MTMR7: variants seen among roughly 807,000 people sequenced by gnomAD.
MTMR7 encodes myotubularin related protein 7, also known as phosphatidylinositol-3-phosphate phosphatase MTMR7.
Under a neutral mutation model 81.2 loss-of-function variants are expected in MTMR7, and 76 were observed. The ratio of observed to expected loss-of-function variants is 0.94; its 90% confidence interval spans 0.78 to 1.13. MTMR7 has a LOEUF of 1.13. MTMR7 is among the 50% of genes most tolerant of loss of function. MTMR7 has a pLI of 0.00. For missense variants in MTMR7, 1,044 were observed against 820.0 expected, an observed-to-expected ratio of 1.27 and a Z score of -3.34; for synonymous variants, 372 against 289.8, an observed-to-expected ratio of 1.28 and a Z score of -2.88.
rs1275688158 is a variant in MTMR7 at position 17,413,345 on chromosome 8, C to A, written c.-53G>T. On this transcript the variant is annotated 5_prime_UTR_variant, in exon 1 of 14. Coordinates refer to ENST00000180173, the MANE Select transcript of MTMR7 (RefSeq NM_004686.5). ...GCGGGCGCGGCCTCACGCACCTGCG[C>A]GCCTCTGCGGCGCGATGGGAGGGGC... is the stretch of plus-strand genomic sequence containing the variant. The A allele has an allele frequency of 9.3e-6, 14 of 1,501,778 alleles. No individual in the cohort carries two copies. The highest frequency in any genetic ancestry group is 1.8e-4 in the Middle Eastern group (1 of 5,462). 93.0% of individuals were successfully genotyped at this position (1,501,778 alleles called of 1,614,324 possible).
At position 17,313,471 on chromosome 8, in the gene MTMR7, TA is replaced by T. The variant is rs1414114441; in HGVS notation, c.866-71del. The stretch of plus-strand genomic sequence containing the variant: ...TCATTTTACATATGATCATGTTTTA[TA>T]GGTAGTTTGTTAATGATTCCTTTGT... On this transcript the variant is annotated intron_variant, in intron 7 of 13. Transcript: ENST00000180173. The T allele has an allele frequency of 5.9e-6, 6 of 1,016,104 alleles. No individual in the cohort carries two copies. In the African/African-American group the frequency reaches 8.0e-5, roughly 14 times the overall value. The allele number at this position is 1,016,104 out of a possible 1,614,324, so 62.9% of individuals were successfully genotyped here. A position where few individuals can be genotyped will look rare whatever the true frequency, so the allele number is the denominator to read the frequency against.
intron 4 of MTMR7, 107 bp downstream of exon 4, chr8:17,361,010 T>A (rs1820043387): frequency 3.3e-6 from 4 of 1,223,848 alleles, no homozygotes; most frequent in Non-Finnish European, 4.6e-6. Context: ...CACATATGGA[T>A]ATCTACAAAG....
intron 4 of MTMR7, 50 bp downstream of exon 4, chr8:17,361,067 C>T (rs1820044830): frequency 1.2e-6 from 2 of 1,601,220 alleles, no homozygotes; most frequent in Admixed American, 1.7e-5. Flanking sequence ...GCTAAGCTGG[C>T]TGAAACCCTA....
In MTMR7 at chr8:17,369,833, G is replaced by C. The variant is rs185588100; in HGVS notation, c.310+1204C>G. 4.1e-3 allele frequency among the ~76,000 whole-genome samples: 618 copies of C among 151,792 alleles called. 3 individuals are homozygous for C. Among genetic ancestry groups the C allele is most frequent in the African/African-American group, 0.014 (580 of 41,382 alleles). ...GCTAATTTTTTGTATTTTTAGTAGAGACGGGGTTTCGCCGTCTTAGCCAGG... is the reference window on the plus strand; with the variant it reads ...GCTAATTTTTTGTATTTTTAGTAGACACGGGGTTTCGCCGTCTTAGCCAGG... On this transcript the variant is annotated intron_variant, in intron 3 of 13. Coordinates refer to ENST00000180173, the MANE Select transcript of MTMR7 (RefSeq NM_004686.5).
At chr8:17,353,831 C>T (rs938997852) in intron 4 of MTMR7, among the ~76,000 whole-genome samples, 2 of 152,206 alleles carry the variant, frequency 1.3e-5, no homozygotes, top group Non-Finnish European at 1.5e-5. Context: ...GTGCCCACAT[C>T]CCTTGGTGCT....
chr8:17,343,643 T>G (rs2150544338), intron 5 of MTMR7, among the ~76,000 whole-genome samples: 1 of 152,360 alleles, frequency 6.6e-6, no homozygotes, highest in South Asian at 2.1e-4. Context: ...ACAGCTAGTT[T>G]TAAATGAGGA....
chr8:17,384,124 T>A (rs552984092), intron 1 of MTMR7, among the ~76,000 whole-genome samples: 21 of 152,226 alleles, frequency 1.4e-4, no homozygotes, highest in African/African-American at 5.1e-4. Context: ...AAAATAATTG[T>A]TATTGGCTGG....
intron 10 of MTMR7, among the ~76,000 whole-genome samples, chr8:17,306,801 G>A (rs753771762): frequency 2.6e-5 from 4 of 152,086 alleles, no homozygotes; most frequent in Admixed American, 1.3e-4. Context: ...TCTCACCTTT[G>A]GTAGCTTTAA....
chr8:17,315,468 T>C (rs1452631697), intron 7 of MTMR7, among the ~76,000 whole-genome samples: 3 of 152,174 alleles, frequency 2.0e-5, no homozygotes, highest in African/African-American at 7.2e-5. Flanking sequence ...CAGTGGACTT[T>C]GAGTGATACC....
chr8:17,320,207 A>G (rs190557640), intron 7 of MTMR7, among the ~76,000 whole-genome samples: 1 of 152,174 alleles, frequency 6.6e-6, no homozygotes, highest in East Asian at 1.9e-4. Flanking sequence ...TAAAATTCCA[A>G]ATGTTTTCTG....
intron 5 of MTMR7, among the ~76,000 whole-genome samples, chr8:17,348,421 G>A (rs1019439465): frequency 6.6e-6 from 1 of 151,704 alleles, no homozygotes; most frequent in Non-Finnish European, 1.5e-5. Context: ...ATGTTGGCAG[G>A]TGCCTGTAAT....
chr8:17,350,769 A>G (rs754878782), intron 4 of MTMR7, among the ~76,000 whole-genome samples: 6 of 152,234 alleles, frequency 3.9e-5, no homozygotes, highest in Non-Finnish European at 7.3e-5. Context: ...TGTCTTTGTT[A>G]GCAGAATAGA....
chr8:17,380,412 G>A (rs371647892), intron 1 of MTMR7, among the ~76,000 whole-genome samples: 2 of 152,048 alleles, frequency 1.3e-5, no homozygotes, highest in East Asian at 1.9e-4. Flanking sequence ...TGTTGAACTT[G>A]AGACTTGACA....
Position 17,332,354 on chromosome 8 carries a change from C to T in MTMR7, c.733-1072G>A, listed in dbSNP as rs796276325. ...TAAAAGTCTGACAAAATTAAAAGTA[C>T]CAGCACATAAAAATAGATGCCCAAG... On this transcript the variant is annotated intron_variant, in intron 6 of 13. Transcript: ENST00000180173. Among the ~76,000 whole-genome samples, 6 of 152,134 alleles carry T rather than the reference C, an allele frequency of 3.9e-5. No individual in the cohort carries two copies. In the South Asian group the frequency reaches 1.2e-3, roughly 32 times the overall value.
At chr8:17,320,323 A>C (rs76324384) in intron 7 of MTMR7, among the ~76,000 whole-genome samples, 2,099 of 152,244 alleles carry the variant, frequency 0.014, 27 homozygotes, top group Non-Finnish European at 0.022. Context: ...TGTACCTCTA[A>C]AATAAAATAT....
chr8:17,333,505 A>G (rs1227276989), intron 6 of MTMR7, among the ~76,000 whole-genome samples: 1 of 152,198 alleles, frequency 6.6e-6, no homozygotes, highest in Non-Finnish European at 1.5e-5. Context: ...GACTAATTCA[A>G]GTGAAGCCTA....
intron 1 of MTMR7, among the ~76,000 whole-genome samples, chr8:17,401,056 G>C (rs528578973): frequency 6.4e-4 from 97 of 152,224 alleles, no homozygotes; most frequent in African/African-American, 2.3e-3. Flanking sequence ...AATGCAGCTA[G>C]CTGCCAGGTA....
At position 17,413,299 on chromosome 8, in the gene MTMR7, C is replaced by T. The variant is rs1364261562; in HGVS notation, c.-7G>A. 5 of 1,545,270 alleles carry T rather than the reference C, an allele frequency of 3.2e-6. No individual in the cohort carries two copies. Among genetic ancestry groups the T allele is most frequent in the Non-Finnish European group, 4.4e-6 (5 of 1,143,732 alleles). On this transcript the variant is annotated 5_prime_UTR_variant, in exon 1 of 14. Transcript: ENST00000180173. ...GCGTACGGATGTGCTCCATGGCTGG[C>T]CCACGTCTGCAGGGTCCCGGGCGGG...
intron 11 of MTMR7, among the ~76,000 whole-genome samples, chr8:17,304,782 TG>T (rs1174877093): frequency 6.6e-6 from 1 of 151,682 alleles, no homozygotes; most frequent in Non-Finnish European, 1.5e-5. Flanking sequence ...GCTGTTCTTT[TG>T]GGGGGAGTTT....
Sources: gnomAD v4.1 joint callset for allele counts (sites outside exome capture counted in the v4.1 genomes callset) on GRCh38, gnomAD v4.1.1 for gene constraint, MANE v1.5 for transcripts, NCBI Gene and HGNC (gene_info 2026-07-23, HGNC 2026-07-21) for gene names.